Variants in SYT10 observed in about 807,000 individuals in gnomAD.
SYT10 encodes synaptotagmin 10, also known as synaptotagmin-10.
SYT10 carries 31 observed loss-of-function variants against 51.1 expected under a neutral mutation model. That is an observed-to-expected ratio of 0.61 (90% CI 0.46 to 0.82). SYT10 has a LOEUF of 0.82. SYT10 is among the 40% of genes least tolerant of loss of function. The pLI is 0.00. For missense variants in SYT10, 603 were observed against 634.0 expected (o/e 0.95, Z 0.53); for synonymous variants, 233 against 225.9 (o/e 1.03, Z -0.28).
At chr12:33,393,612 G>A (rs1422951641) in intron 3 of SYT10, among the ~76,000 whole-genome samples, 1 of 151,776 alleles carries the variant, frequency 6.6e-6, no homozygotes, top group Non-Finnish European at 1.5e-5. Context: ...AGATCTTATT[G>A]ATTCTAAGGG....
intron 3 of SYT10, among the ~76,000 whole-genome samples, chr12:33,392,639 G>A (rs1948349262): frequency 6.6e-6 from 1 of 151,900 alleles, no homozygotes; most frequent in Non-Finnish European, 1.5e-5. Context: ...TGCTCACCAG[G>A]TGCCTTTTAG....
chr12:33,376,921 T>A lies in SYT10; in HGVS notation c.1501-20A>T. On this transcript the variant is annotated intron_variant, in intron 6 of 6. Coordinates refer to ENST00000228567, the MANE Select transcript of SYT10 (RefSeq NM_198992.4). ...AGGTAACTGAAAGACAAAAATTTCA[T>A]AATGTATGATCTAGTACAGAAATAG... The A allele has an allele frequency of 6.2e-7, 1 of 1,613,348 alleles. No individual in the cohort carries two copies. Among genetic ancestry groups the A allele is most frequent in the South Asian group, 1.1e-5 (1 of 91,028 alleles).
intron 2 of SYT10, among the ~76,000 whole-genome samples, chr12:33,421,012 C>T (rs1866498234): frequency 6.6e-6 from 1 of 152,026 alleles, no homozygotes; most frequent in African/African-American, 2.4e-5. Flanking sequence ...TTTTTCATTT[C>T]TTACAGTGTT....
intron 2 of SYT10, 39 bp from the exon 3 acceptor site, chr12:33,407,395 A>G: frequency 1.3e-6 from 2 of 1,580,032 alleles, no homozygotes; most frequent in Admixed American, 1.7e-5. Context: ...ATTGAGGGAG[A>G]TCATTTTGAT....
At chr12:33,417,176 G>T (rs936376637) in intron 2 of SYT10, among the ~76,000 whole-genome samples, 5 of 152,218 alleles carry the variant, frequency 3.3e-5, no homozygotes, top group African/African-American at 9.6e-5. Flanking sequence ...AATCCCTGAT[G>T]TGGCAGTATT....
chr12:33,387,697 G>A (rs1381623809), intron 3 of SYT10, among the ~76,000 whole-genome samples: 2 of 150,926 alleles, frequency 1.3e-5, no homozygotes, highest in East Asian at 3.9e-4. Flanking sequence ...AAAACAGAAA[G>A]AGCACAGCCT....
intron 2 of SYT10, among the ~76,000 whole-genome samples, chr12:33,417,091 T>C (rs1343276192): frequency 2.0e-5 from 3 of 152,024 alleles, no homozygotes; most frequent in Non-Finnish European, 2.9e-5. Context: ...AAGAAGGTGA[T>C]AGAAGTTTGA....
At position 33,376,752 on chromosome 12, in the gene SYT10, C is replaced by A; in HGVS notation, c.*78G>T. ...TACGGATATATTTCAAATGAGGAAA[C>A]CAAACCTTCCACTTTTTTTCTGATT... On this transcript the variant is annotated 3_prime_UTR_variant, in exon 7 of 7. Coordinates refer to ENST00000228567, the MANE Select transcript of SYT10 (RefSeq NM_198992.4). The A allele has an allele frequency of 3.2e-6, 5 of 1,540,364 alleles. No individual in the cohort carries two copies. Among genetic ancestry groups the A allele is most frequent in the Non-Finnish European group, 4.5e-6 (5 of 1,118,164 alleles).
At chr12:33,410,403 A>C (rs1176825846) in intron 2 of SYT10, among the ~76,000 whole-genome samples, 1 of 152,250 alleles carries the variant, frequency 6.6e-6, no homozygotes, top group African/African-American at 2.4e-5. Context: ...AAACTAATTC[A>C]ACCTCTCTCT....
Position 33,375,262 on chromosome 12 carries a change from G to A in SYT10, c.*1568C>T, listed in dbSNP as rs1400792220. ...CAAAATATTTACCTCTTAATTAACA[G>A]TAATGCCATCACTATAAGAGATGTC... On this transcript the variant is annotated 3_prime_UTR_variant, in exon 7 of 7. Coordinates refer to ENST00000228567, the MANE Select transcript of SYT10 (RefSeq NM_198992.4). 1.3e-5 allele frequency: 2 copies of A among 151,858 alleles called. No homozygotes were observed. Among genetic ancestry groups the A allele is most frequent in the African/African-American group, 4.8e-5 (2 of 41,358 alleles). The allele number at this position is 151,858 out of a possible 1,614,324, so 9.4% of individuals were successfully genotyped here.
intron 6 of SYT10, among the ~76,000 whole-genome samples, chr12:33,377,153 T>C (rs1274455183): frequency 5.9e-5 from 9 of 152,172 alleles, no homozygotes; most frequent in African/African-American, 1.7e-4. Flanking sequence ...CAACTATTTA[T>C]GACAGCAGAA....
intron 3 of SYT10, among the ~76,000 whole-genome samples, chr12:33,386,462 T>A (rs1591982246): frequency 6.6e-6 from 1 of 152,076 alleles, no homozygotes; most frequent in East Asian, 1.9e-4. Context: ...ACAAATGAAG[T>A]TTGTTCCTGC....
intron 2 of SYT10, among the ~76,000 whole-genome samples, chr12:33,411,649 C>T (rs1465934911): frequency 2.0e-5 from 3 of 152,216 alleles, no homozygotes; most frequent in South Asian, 4.1e-4. Context: ...GAATTGGCCC[C>T]TAATTGAAAC....
chr12:33,432,284 G>A (rs1323370826), intron 1 of SYT10: 5 of 151,944 alleles, frequency 3.3e-5, no homozygotes, highest in Admixed American at 6.5e-5. Context: ...AGGCATCTTC[G>A]ATTTGATAAA....
chr12:33,381,177 A>G (rs1467231436), intron 5 of SYT10, among the ~76,000 whole-genome samples: 1 of 152,184 alleles, frequency 6.6e-6, no homozygotes, highest in African/African-American at 2.4e-5. Flanking sequence ...TGAAATTTCA[A>G]TGGATTCAAG....
chr12:33,432,120 G>T (rs1866602439), intron 1 of SYT10, among the ~76,000 whole-genome samples: 1 of 151,950 alleles, frequency 6.6e-6, no homozygotes, highest in Admixed American at 6.6e-5. Flanking sequence ...AGTGATATAA[G>T]ATTTCTTTAA....
intron 1 of SYT10, among the ~76,000 whole-genome samples, chr12:33,427,548 C>A (rs933420751): frequency 2.0e-5 from 3 of 152,024 alleles, no homozygotes; most frequent in Non-Finnish European, 2.9e-5. Context: ...GAGAATTCTG[C>A]TTAATAGAAA....
intron 2 of SYT10, among the ~76,000 whole-genome samples, chr12:33,417,712 C>T (rs1323684126): frequency 1.3e-5 from 2 of 152,110 alleles, no homozygotes; most frequent in Non-Finnish European, 2.9e-5. Context: ...TGCACATGTG[C>T]AAGTGTAGAG....
chr12:33,390,654 A>G (rs1211012012), intron 3 of SYT10, among the ~76,000 whole-genome samples: 1 of 151,976 alleles, frequency 6.6e-6, no homozygotes, highest in African/African-American at 2.4e-5. Context: ...GTATGTACAT[A>G]TGTATGTGTA....
Sources: gnomAD v4.1 joint callset for allele counts (sites outside exome capture counted in the v4.1 genomes callset) on GRCh38, gnomAD v4.1.1 for gene constraint, MANE v1.5 for transcripts, NCBI Gene and HGNC (gene_info 2026-07-23, HGNC 2026-07-21) for gene names.